Variants in AMD1 observed in about 807,000 individuals in gnomAD.
The protein encoded by AMD1 is adenosylmethionine decarboxylase 1.
AMD1 carries 11 observed loss-of-function variants against 40.2 expected under a neutral mutation model. The ratio of observed to expected loss-of-function variants is 0.27; its 90% CI spans 0.17 to 0.45. AMD1 has a LOEUF of 0.45. Ranked by LOEUF, AMD1 falls within the 20% of genes least tolerant of loss-of-function variation. The pLI, the probability that AMD1 is intolerant of heterozygous loss-of-function variation, is 1.00. For synonymous variants in AMD1, 121 were observed against 130.8 expected (o/e 0.93, Z 0.51); for missense variants, 257 against 410.2 (o/e 0.63, Z 3.23).
chr6:110,858,684 A>G, the AMD1 span: 6 of 983,306 alleles, frequency 6.1e-6, no homozygotes, highest in Non-Finnish European at 9.7e-6. Context: ...TACTCGGAGA[A>G]GCAGGAGCCG....
chr6:110,869,073 A>AG, the AMD1 span, among the ~76,000 whole-genome samples: 7 of 152,080 alleles, frequency 4.6e-5, no homozygotes, highest in African/African-American at 1.7e-4. Context: ...AAAAAAAAAA[A>AG]ATTTAATGTA....
intron 1 of AMD1, among the ~76,000 whole-genome samples, chr6:110,878,632 A>G (rs2115276391): frequency 6.6e-6 from 1 of 152,298 alleles, no homozygotes; most frequent in East Asian, 1.9e-4. Context: ...AAAATCAGTG[A>G]CCATTTAAAA....
At chr6:110,837,028 G>A in the AMD1 span, among the ~76,000 whole-genome samples, 7 of 151,808 alleles carry the variant, frequency 4.6e-5, no homozygotes, top group East Asian at 1.4e-3. Context: ...GTGGTGGCAA[G>A]TGCCTGTAGT....
chr6:110,861,173 A>T, the AMD1 span, among the ~76,000 whole-genome samples: 1 of 152,094 alleles, frequency 6.6e-6, no homozygotes, highest in African/African-American at 2.4e-5. Flanking sequence ...CCTGGCTAAC[A>T]TGGTGAAACC....
At chr6:110,854,742 C>T in the AMD1 span, among the ~76,000 whole-genome samples, 11 of 152,054 alleles carry the variant, frequency 7.2e-5, no homozygotes, top group African/African-American at 2.7e-4. Flanking sequence ...GCCACCGCAC[C>T]CGGCCAAATG....
chr6:110,892,983 A>G lies in AMD1; in HGVS notation c.782A>G (p.Gln261Arg), dbSNP rs200466366. Residue 261 changes from glutamine (Q) to arginine (R), a missense_variant, in exon 8 of 9, where the codon CAG becomes CGG. By Grantham distance (43) the Gln-to-Arg change is conservative. This residue lies in a region of AMD1 where 192 missense variants were observed against 296.5 expected (regional missense o/e 0.65). Transcript: ENST00000368885. ...SYVSFETNLS[Q>R]TSYDDLIRKV... is the part of the protein sequence containing the mutation. ...GTTAGCTTTGAAACAAACTTAAGTC[A>G]GACCTCCTATGATGACCTGATCAGG... 13 of 1,613,980 alleles carry G rather than the reference A, an allele frequency of 8.1e-6. No individual in the cohort carries two copies. The highest frequency in any genetic ancestry group is 1.3e-5 in the African/African-American group (1 of 74,954).
the AMD1 span, among the ~76,000 whole-genome samples, chr6:110,849,011 A>T: frequency 6.6e-6 from 1 of 152,168 alleles, no homozygotes; most frequent in Non-Finnish European, 1.5e-5. Context: ...GTCTCTTAAT[A>T]AAAAATGATT....
At chr6:110,815,500 G>A in the AMD1 span, 1 of 174,718 alleles carries the variant, frequency 5.7e-6, no homozygotes, top group Non-Finnish European at 1.2e-5. Flanking sequence ...AGGCTCCTGG[G>A]AAATGAAGTC....
At chr6:110,828,338 A>G in the AMD1 span, among the ~76,000 whole-genome samples, 1 of 152,036 alleles carries the variant, frequency 6.6e-6, no homozygotes, top group Non-Finnish European at 1.5e-5. Context: ...AGGCTGAGGC[A>G]GGAGAGAATC....
chr6:110,876,064 C>T (rs988741906), intron 1 of AMD1, among the ~76,000 whole-genome samples: 9 of 152,244 alleles, frequency 5.9e-5, no homozygotes, highest in Non-Finnish European at 1.3e-4. Flanking sequence ...GACATAATGC[C>T]TCTAATGCCT....
At chr6:110,866,015 G>T in the AMD1 span, among the ~76,000 whole-genome samples, 1 of 148,816 alleles carries the variant, frequency 6.7e-6, no homozygotes, top group Non-Finnish European at 1.5e-5. Flanking sequence ...TGCCCGCCTC[G>T]GCCTCCCAAA....
chr6:110,834,106 G>T, the AMD1 span, among the ~76,000 whole-genome samples: 4 of 152,196 alleles, frequency 2.6e-5, no homozygotes, highest in Admixed American at 6.6e-5. Context: ...AATTTGTCTG[G>T]TTTTTTTGTA....
the AMD1 span, among the ~76,000 whole-genome samples, chr6:110,843,144 T>G: frequency 7.1e-6 from 1 of 140,354 alleles, no homozygotes; most frequent in Non-Finnish European, 1.6e-5. Flanking sequence ...AAAAAAAGTC[T>G]AAAAAACATA....
At chr6:110,864,951 C>T in the AMD1 span, among the ~76,000 whole-genome samples, 11 of 152,326 alleles carry the variant, frequency 7.2e-5, no homozygotes, top group Admixed American at 6.5e-4. Flanking sequence ...TATTAGACCC[C>T]AGGGAAACAC....
At chr6:110,844,273 T>A in the AMD1 span, among the ~76,000 whole-genome samples, 2 of 151,788 alleles carry the variant, frequency 1.3e-5, no homozygotes, top group South Asian at 4.2e-4. Context: ...ATCTTTTTTT[T>A]TTTTTGACTG....
At chr6:110,819,880 C>A in the AMD1 span, among the ~76,000 whole-genome samples, 1 of 152,152 alleles carries the variant, frequency 6.6e-6, no homozygotes, top group South Asian at 2.1e-4. Flanking sequence ...ACTCACTGAC[C>A]CCTGGTCTCC....
At position 110,892,730 on chromosome 6, in the gene AMD1, C is replaced by A. The variant is rs373742423; in HGVS notation, c.616-5C>A. On this transcript the variant is annotated splice_region_variant and splice_polypyrimidine_tract_variant and intron_variant, in intron 6 of 8. Transcript: ENST00000368885. Reference sequence around the variant, plus strand: ...TTGTTAAACTCGGTCTTTTTCCCCCCCCAGGAGAGTGGAATTCGTGACCTG... The same window carrying A: ...TTGTTAAACTCGGTCTTTTTCCCCCACCAGGAGAGTGGAATTCGTGACCTG... 1.1e-5 allele frequency: 18 copies of A among 1,611,904 alleles called. No homozygotes were observed. Among genetic ancestry groups the A allele is most frequent in the African/African-American group, 4.0e-5 (3 of 74,750 alleles).
chr6:110,858,786 C>T, the AMD1 span: 9 of 765,594 alleles, frequency 1.2e-5, no homozygotes, highest in East Asian at 2.4e-5. Context: ...GGCATGACCG[C>T]GTACAGCACA....
the AMD1 span, among the ~76,000 whole-genome samples, chr6:110,825,765 A>C: frequency 2.8e-3 from 424 of 152,312 alleles, 1 homozygote; most frequent in Non-Finnish European, 4.5e-3. Flanking sequence ...TCCCTTAAAT[A>C]AGGATGATTT....
Sources: gnomAD v4.1 joint callset for allele counts (sites outside exome capture counted in the v4.1 genomes callset) on GRCh38, gnomAD v4.1.1 for gene constraint, gnomAD v4.1.1 regional missense constraint, MANE v1.5 for transcripts, NCBI Gene and HGNC (gene_info 2026-07-23, HGNC 2026-07-21) for gene names.